The following LRRTM4 variants were observed in gnomAD, a reference collection of about 807,000 sequenced individuals.
LRRTM4 encodes leucine rich repeat transmembrane neuronal 4, also known as leucine-rich repeat transmembrane neuronal protein 4.
A neutral mutation model predicts 47.6 loss-of-function variants in LRRTM4; 25 were observed. The observed-to-expected ratio is 0.53, with a 90% CI of 0.38 to 0.73. The LOEUF is 0.73. LRRTM4 is among the 30% of genes least tolerant of loss of function. The pLI, the probability that LRRTM4 is intolerant of heterozygous loss-of-function variation, is 0.00. For missense variants in LRRTM4, 638 were observed against 713.4 expected (o/e 0.89, Z 1.20); for synonymous variants, 311 against 269.5 (o/e 1.15, Z -1.51).
At chr2:77,497,625 G>C (rs541335866) in intron 3 of LRRTM4, among the ~76,000 whole-genome samples, 4 of 151,040 alleles carry the variant, frequency 2.6e-5, no homozygotes, top group Non-Finnish European at 4.4e-5. Context: ...ATATATGTAT[G>C]CATGGATACA....
chr2:76,995,514 G>T (rs746543334), intron 3 of LRRTM4, among the ~76,000 whole-genome samples: 9 of 38,940 alleles, frequency 2.3e-4, no homozygotes, highest in Non-Finnish European at 3.5e-4. Context: ...GAAGTTTCTA[G>T]ATCAAATTCT....
At chr2:77,293,929 A>G (rs1676899339) in intron 3 of LRRTM4, among the ~76,000 whole-genome samples, 1 of 152,064 alleles carries the variant, frequency 6.6e-6, no homozygotes, top group Admixed American at 6.6e-5. Flanking sequence ...TGTTGAATAT[A>G]TATATGAATA....
At chr2:77,396,722 G>A (rs903970806) in intron 3 of LRRTM4, among the ~76,000 whole-genome samples, 1 of 151,898 alleles carries the variant, frequency 6.6e-6, no homozygotes, top group Admixed American at 6.6e-5. Flanking sequence ...CAATATATTG[G>A]TGAAACCAGG....
chr2:77,256,536 T>C (rs1675772022), intron 3 of LRRTM4, among the ~76,000 whole-genome samples: 1 of 152,052 alleles, frequency 6.6e-6, no homozygotes, highest in South Asian at 2.1e-4. Context: ...TGTTCCATGA[T>C]AGTGAGTAAG....
At chr2:77,263,680 C>G (rs1675977020) in intron 3 of LRRTM4, among the ~76,000 whole-genome samples, 1 of 152,108 alleles carries the variant, frequency 6.6e-6, no homozygotes, top group Non-Finnish European at 1.5e-5. Flanking sequence ...TCCTGCTATA[C>G]AGATACATAC....
At chr2:77,170,130 G>C (rs1330871004) in intron 3 of LRRTM4, among the ~76,000 whole-genome samples, 2 of 152,124 alleles carry the variant, frequency 1.3e-5, no homozygotes, top group Admixed American at 1.3e-4. Context: ...GTTGTGATTA[G>C]GGTTAGGGTG....
At chr2:77,312,195 T>C (rs527821860) in intron 3 of LRRTM4, among the ~76,000 whole-genome samples, 2 of 152,316 alleles carry the variant, frequency 1.3e-5, no homozygotes, top group South Asian at 2.1e-4. Flanking sequence ...TCTCAAAATA[T>C]ATTCTCTTCT....
chr2:76,784,101 A>G (rs1419650755), intron 3 of LRRTM4, among the ~76,000 whole-genome samples: 2 of 152,098 alleles, frequency 1.3e-5, no homozygotes, highest in Non-Finnish European at 2.9e-5. Flanking sequence ...ACAATCCCCA[A>G]ATTCATGATA....
At chr2:77,006,522 A>G (rs1040370243) in intron 3 of LRRTM4, among the ~76,000 whole-genome samples, 4 of 152,156 alleles carry the variant, frequency 2.6e-5, no homozygotes, top group African/African-American at 9.6e-5. Flanking sequence ...TGCCAATTGC[A>G]AAGTCCTGTA....
intron 3 of LRRTM4, among the ~76,000 whole-genome samples, chr2:76,914,215 T>C (rs1674167617): frequency 6.6e-6 from 1 of 152,028 alleles, no homozygotes; most frequent in Non-Finnish European, 1.5e-5. Flanking sequence ...CCGTCCATCA[T>C]ATCAATAACT....
chr2:76,807,254 G>A (rs1676014437), intron 3 of LRRTM4, among the ~76,000 whole-genome samples: 1 of 151,434 alleles, frequency 6.6e-6, no homozygotes, highest in Admixed American at 6.6e-5. Context: ...TCAACTGCAA[G>A]GACAAGTTAA....
rs556051938 is a variant in LRRTM4 at position 76,812,594 on chromosome 2, T to G, written c.1552-63678A>C. On this transcript the variant is annotated intron_variant, in intron 3 of 3. Coordinates refer to ENST00000409884, the MANE Select transcript of LRRTM4 (RefSeq NM_001134745.3). ...TATTACCAAGAGACACTTAATTCAGTATAATTATTGGCTTTAGGTTATAGA... is the reference window on the plus strand; with the variant it reads ...TATTACCAAGAGACACTTAATTCAGGATAATTATTGGCTTTAGGTTATAGA... Among the ~76,000 whole-genome samples the G allele has an allele frequency of 9.2e-5, 14 of 152,296 alleles. No individual in the cohort carries two copies. In the East Asian group the frequency reaches 2.5e-3, roughly 27 times the overall value.
At chr2:76,839,341 C>T (rs921895229) in intron 3 of LRRTM4, among the ~76,000 whole-genome samples, 1 of 151,990 alleles carries the variant, frequency 6.6e-6, no homozygotes, top group African/African-American at 2.4e-5. Flanking sequence ...GCAAAACTCA[C>T]AGTAGAAAGG....
rs190278255 is a variant in LRRTM4 at position 77,312,630 on chromosome 2, G to A, written c.1551+205688C>T. On this transcript the variant is annotated intron_variant, in intron 3 of 3. Transcript: ENST00000409884. ...ATTTGGTTCTTAAAGCACACCACAC[G>A]CGTGCACACACACACACTCACACAC... is the stretch of plus-strand genomic sequence containing the variant. Among the ~76,000 whole-genome samples, 7 of 151,744 alleles carry A rather than the reference G, an allele frequency of 4.6e-5. No homozygotes were observed. In the East Asian group the frequency reaches 9.7e-4, roughly 21 times the overall value.
intron 3 of LRRTM4, among the ~76,000 whole-genome samples, chr2:76,912,491 A>G (rs191834037): frequency 2.6e-5 from 4 of 152,336 alleles, no homozygotes; most frequent in Admixed American, 2.6e-4. Flanking sequence ...AATTCTTAGA[A>G]ACAAAATCAC....
chr2:77,407,008 T>G (rs146058970), intron 3 of LRRTM4, among the ~76,000 whole-genome samples: 37 of 152,278 alleles, frequency 2.4e-4, no homozygotes, highest in African/African-American at 8.7e-4. Flanking sequence ...GTAAAGTTGG[T>G]CAATAAAGCC....
chr2:77,260,039 G>T (rs1054433097), intron 3 of LRRTM4, among the ~76,000 whole-genome samples: 1 of 152,016 alleles, frequency 6.6e-6, no homozygotes, highest in African/African-American at 2.4e-5. Flanking sequence ...GGTTTTAGAT[G>T]TAAATTAAAA....
chr2:77,283,745 C>A (rs980619685), intron 3 of LRRTM4, among the ~76,000 whole-genome samples: 3 of 151,976 alleles, frequency 2.0e-5, no homozygotes, highest in Non-Finnish European at 4.4e-5. Flanking sequence ...ACCGCATGTT[C>A]TCAATTATAA....
chr2:77,079,399 C>T (rs879550471), intron 3 of LRRTM4, among the ~76,000 whole-genome samples: 2 of 152,142 alleles, frequency 1.3e-5, no homozygotes, highest in Admixed American at 6.6e-5. Flanking sequence ...TCTGTGGATG[C>T]TTGTATCATA....
Sources: allele counts gnomAD v4.1 joint callset (sites outside exome capture counted in the v4.1 genomes callset), GRCh38; gene constraint gnomAD v4.1.1; transcripts MANE v1.5; gene names NCBI Gene and HGNC (gene_info 2026-07-23, HGNC 2026-07-21).